The following TRPC5OS variants were observed in gnomAD, a reference collection of about 807,000 sequenced individuals.
TRPC5OS encodes TRPC5 opposite strand.
For synonymous variants in TRPC5OS, 30 were observed against 29.3 expected, an observed-to-expected ratio of 1.02 and a Z score of -0.08; for missense variants, 64 against 79.3, an observed-to-expected ratio of 0.81 and a Z score of 0.73.
intron 1 of TRPC5OS, among the ~76,000 whole-genome samples, chrX:111,891,580 G>A (rs778732119): frequency 1.4e-4 from 15 of 110,551 alleles, no homozygotes; most frequent in Non-Finnish European, 2.8e-4. Flanking sequence ...TCACACTGTC[G>A]CCCAGGCTGG....
chrX:111,883,873 G>A (rs1924348781), intron 1 of TRPC5OS, among the ~76,000 whole-genome samples: 1 of 112,853 alleles, frequency 8.9e-6, no homozygotes, highest in Non-Finnish European at 1.9e-5. Context: ...TCAGAACTTA[G>A]TTAAGACTTG....
chrX:111,892,455 A>G (rs1052844186), intron 1 of TRPC5OS, among the ~76,000 whole-genome samples: 3 of 112,284 alleles, frequency 2.7e-5, no homozygotes, highest in Non-Finnish European at 3.8e-5. Flanking sequence ...TTCTCTGTGC[A>G]ACTGGCAGTG....
chrX:111,888,666 C>CCTGGGTGA (rs1187158695), intron 1 of TRPC5OS, among the ~76,000 whole-genome samples: 1 of 87,947 alleles, frequency 1.1e-5, no homozygotes, highest in African/African-American at 4.8e-5. Context: ...TGTACTCTAG[C>CCTGGGTGA]CTGGGTGACA....
intron 3 of TRPC5OS, among the ~76,000 whole-genome samples, chrX:111,897,798 G>C (rs1925140281): frequency 9.0e-6 from 1 of 110,989 alleles, no homozygotes; most frequent in Non-Finnish European, 1.9e-5. Flanking sequence ...AGTTACCTGA[G>C]CTCTTTCTAC....
Position 111,902,206 on chromosome X carries a change from C to T in TRPC5OS, c.*21C>T. The T allele has an allele frequency of 1.0e-6, 1 of 1,004,311 alleles. No homozygotes were observed. Among genetic ancestry groups the T allele is most frequent in the Non-Finnish European group, 1.3e-6 (1 of 763,344 alleles). 82.8% of individuals were successfully genotyped at this position (1,004,311 alleles called of 1,213,427 possible). ...ACTAAGACCCAATTTCTGCCCCCGT[C>T]CCCAGGGATGTGAAAACTGATCATT... On this transcript the variant is annotated 3_prime_UTR_variant, in exon 4 of 4. Coordinates refer to ENST00000635763, the MANE Select transcript of TRPC5OS (RefSeq NM_001195578.2).
rs1925482127 is a variant in TRPC5OS at position 111,903,839 on chromosome X, G to C, written c.*1654G>C. On this transcript the variant is annotated 3_prime_UTR_variant, in exon 4 of 4. Coordinates refer to ENST00000635763, the MANE Select transcript of TRPC5OS (RefSeq NM_001195578.2). ...TTGTTTGGGTTAAAATATGTGGGGAGTTGTGCCTATATAAATTCTTATGTG... is the reference window on the plus strand; with the variant it reads ...TTGTTTGGGTTAAAATATGTGGGGACTTGTGCCTATATAAATTCTTATGTG... 8.9e-6 allele frequency: 1 copy of C among 112,161 alleles called. No homozygotes were observed. Among genetic ancestry groups the C allele is most frequent in the Admixed American group, 9.4e-5 (1 of 10,606 alleles). The allele number at this position is 112,161 out of a possible 1,213,427, so 9.2% of individuals were successfully genotyped here. A position where few individuals can be genotyped will look rare whatever the true frequency, so the allele number is the denominator to read the frequency against.
intron 1 of TRPC5OS, among the ~76,000 whole-genome samples, chrX:111,890,444 G>T (rs955273886): frequency 1.8e-5 from 2 of 112,017 alleles, no homozygotes; most frequent in Non-Finnish European, 3.8e-5. Context: ...AGGCTTTAAG[G>T]TATATGAGGG....
chrX:111,897,614 A>G (rs1317643288), intron 3 of TRPC5OS, among the ~76,000 whole-genome samples: 1 of 111,795 alleles, frequency 8.9e-6, no homozygotes, highest in East Asian at 2.8e-4. Flanking sequence ...CTAAAATTGT[A>G]TATGGATGGA....
chrX:111,896,241 G>C (rs1925053842), intron 2 of TRPC5OS, 145 bp downstream of exon 2: 1 of 111,104 alleles, frequency 9.0e-6, no homozygotes, highest in Non-Finnish European at 1.9e-5. Flanking sequence ...CTTCAACAGT[G>C]CCCAGAATTA....
At chrX:111,884,464 A>G (rs1230177019) in intron 1 of TRPC5OS, among the ~76,000 whole-genome samples, 2 of 112,847 alleles carry the variant, frequency 1.8e-5, no homozygotes, top group African/African-American at 6.4e-5. Context: ...AAATATAGTT[A>G]AAGTGTAGCA....
At position 111,902,073 on chromosome X, in the gene TRPC5OS, C is replaced by T; in HGVS notation, c.224C>T (p.Thr75Ile). 2.6e-6 allele frequency: 3 copies of T among 1,154,897 alleles called. No individual in the cohort carries two copies. The highest frequency in any genetic ancestry group is 3.4e-6 in the Non-Finnish European group (3 of 872,255). ...PDLSDLDSILTPREDEDLIFD... is the reference protein window; with the variant it reads ...PDLSDLDSILIPREDEDLIFD... The stretch of plus-strand genomic sequence containing the variant: ...CTCTCAGACTTAGACTCAATACTTA[C>T]ACCAAGAGAGGATGAAGACCTAATA... The change falls in exon 4 of 4, where the codon ACA becomes ATA. Residue 75 changes from threonine to isoleucine, a missense_variant. By Grantham distance (89) the Thr-to-Ile change is moderately conservative (BLOSUM62 -1). Transcript: ENST00000635763.
intron 1 of TRPC5OS, among the ~76,000 whole-genome samples, chrX:111,893,553 T>C (rs146085146): frequency 0.015 from 1,666 of 112,367 alleles, 25 homozygotes; most frequent in African/African-American, 0.051. Context: ...AGCCAGTCTG[T>C]GATTTTTCTC....
chrX:111,882,363 C>T (rs1322003270), intron 1 of TRPC5OS, among the ~76,000 whole-genome samples: 1 of 112,240 alleles, frequency 8.9e-6, no homozygotes, highest in Non-Finnish European at 1.9e-5. Context: ...GGGGTCTTGT[C>T]TCTGACTTCT....
At chrX:111,878,735 G>A (rs1033065303) in intron 1 of TRPC5OS, among the ~76,000 whole-genome samples, 121 of 111,636 alleles carry the variant, frequency 1.1e-3, no homozygotes, top group African/African-American at 3.7e-3. Context: ...AATCAGTCAT[G>A]AGAACAACTG....
intron 3 of TRPC5OS, among the ~76,000 whole-genome samples, chrX:111,900,437 G>C (rs1925284928): frequency 8.9e-6 from 1 of 111,985 alleles, no homozygotes; most frequent in African/African-American, 3.2e-5. Flanking sequence ...TATAGACCTG[G>C]ACTATTGCAG....
intron 1 of TRPC5OS, among the ~76,000 whole-genome samples, chrX:111,884,939 T>C (rs1924404051): frequency 1.8e-5 from 2 of 112,110 alleles, no homozygotes; most frequent in Admixed American, 1.9e-4. Flanking sequence ...TAGCCAGAGT[T>C]TGAGCCTACT....
chrX:111,879,950 C>T (rs1924130247), intron 1 of TRPC5OS, among the ~76,000 whole-genome samples: 1 of 111,362 alleles, frequency 9.0e-6, no homozygotes, highest in African/African-American at 3.3e-5. Flanking sequence ...TAAGTGATTC[C>T]ACTTTATAGA....
Position 111,902,138 on chromosome X carries a change from T to C in TRPC5OS, c.289T>C (p.Tyr97His). Reference sequence around the variant, plus strand: ...GGCTATGTTAGACATGGATAACTTATATGAAGATACAGTCTCTGGTATAAA... The same window carrying C: ...GGCTATGTTAGACATGGATAACTTACATGAAGATACAGTCTCTGGTATAAA... The part of the protein sequence containing the change: ...DQAMLDMDNL[Y>H]EDTVSGINDD... Residue 97 changes from tyrosine to histidine, a missense_variant, in exon 4 of 4, where the codon TAT becomes CAT. Physicochemically the swap from Tyr to His is moderately conservative, Grantham distance 83. Coordinates refer to ENST00000635763, the MANE Select transcript of TRPC5OS (RefSeq NM_001195578.2). 1.7e-6 allele frequency: 2 copies of C among 1,150,379 alleles called. No homozygotes were observed. 94.8% of individuals were successfully genotyped at this position (1,150,379 alleles called of 1,213,427 possible). A position where few individuals can be genotyped will look rare whatever the true frequency, so the allele number is the denominator to read the frequency against.
At chrX:111,897,547 C>T (rs1442414283) in intron 3 of TRPC5OS, among the ~76,000 whole-genome samples, 4 of 111,514 alleles carry the variant, frequency 3.6e-5, no homozygotes, top group African/African-American at 1.3e-4. Context: ...TCAGTTCCTA[C>T]TCCCATAAAT....
Sources: gnomAD v4.1 joint callset for allele counts (sites outside exome capture counted in the v4.1 genomes callset) on GRCh38, gnomAD v4.1.1 for gene constraint, MANE v1.5 for transcripts, NCBI Gene and HGNC (gene_info 2026-07-23, HGNC 2026-07-21) for gene names.